The following DLG2 variants were observed in gnomAD, a reference collection of about 807,000 sequenced individuals.
DLG2 encodes disks large homolog 2.
DLG2 carries 45 observed loss-of-function variants against 132.5 expected under a neutral mutation model. The ratio of observed to expected loss-of-function variants is 0.34; its 90% confidence interval spans 0.27 to 0.44. The LOEUF is 0.44. Ranked by LOEUF, DLG2 falls within the 20% of genes least tolerant of loss-of-function variation. The pLI is 1.00. For synonymous variants in DLG2, 424 were observed against 419.6 expected (o/e 1.01, Z -0.13); for missense variants, 1,045 against 1,196.9 (o/e 0.87, Z 1.87).
chr11:84,688,666 T>G (rs1175891918), intron 6 of DLG2, among the ~76,000 whole-genome samples: 1 of 152,180 alleles, frequency 6.6e-6, no homozygotes, highest in Non-Finnish European at 1.5e-5. Flanking sequence ...ACTTAAAATT[T>G]AATAAGCATA....
chr11:84,154,753 G>T (rs1410569160), intron 9 of DLG2, among the ~76,000 whole-genome samples: 2 of 152,116 alleles, frequency 1.3e-5, no homozygotes, highest in African/African-American at 2.4e-5. Context: ...GCAGTGTTTG[G>T]TTTTTTGTCC....
chr11:84,592,453 C>A (rs1026174930), intron 6 of DLG2, among the ~76,000 whole-genome samples: 1 of 151,926 alleles, frequency 6.6e-6, no homozygotes, highest in Admixed American at 6.6e-5. Flanking sequence ...CAACAAAAAC[C>A]GAAATTGACA....
At chr11:84,014,560 C>T (rs928169432) in intron 11 of DLG2, among the ~76,000 whole-genome samples, 26 of 152,252 alleles carry the variant, frequency 1.7e-4, no homozygotes, top group African/African-American at 3.6e-4. Context: ...TTATTGACTA[C>T]GTACCATGTG....
chr11:84,923,937 A>T (rs528088092), intron 6 of DLG2, among the ~76,000 whole-genome samples: 2 of 152,140 alleles, frequency 1.3e-5, no homozygotes, highest in African/African-American at 4.8e-5. Flanking sequence ...GGTACATGAC[A>T]ATCAGTAATG....
chr11:84,668,989 G>T (rs1324794484), intron 6 of DLG2, among the ~76,000 whole-genome samples: 1 of 152,002 alleles, frequency 6.6e-6, no homozygotes, highest in Admixed American at 6.6e-5. Flanking sequence ...GTTCTAACAG[G>T]TGTATCTTCA....
intron 6 of DLG2, among the ~76,000 whole-genome samples, chr11:84,809,183 A>C (rs1431841297): frequency 2.0e-5 from 3 of 152,050 alleles, no homozygotes; most frequent in African/African-American, 7.2e-5. Flanking sequence ...AAAGAAGAGC[A>C]ACCACATATT....
chr11:84,753,935 T>C (rs745326777), intron 6 of DLG2, among the ~76,000 whole-genome samples: 17 of 151,882 alleles, frequency 1.1e-4, no homozygotes, highest in Admixed American at 1.0e-3. Flanking sequence ...TGCTGAGAGG[T>C]AGAGAAAGAT....
intron 6 of DLG2, among the ~76,000 whole-genome samples, chr11:84,588,001 G>T (rs745888609): frequency 4.6e-5 from 7 of 152,038 alleles, no homozygotes; most frequent in Admixed American, 1.3e-4. Flanking sequence ...TCACTCCTCT[G>T]CTTAACAAGC....
At chr11:83,992,627 A>T (rs7120138) in intron 11 of DLG2, among the ~76,000 whole-genome samples, 1 of 152,112 alleles carries the variant, frequency 6.6e-6, no homozygotes, top group Non-Finnish European at 1.5e-5. Flanking sequence ...AAGAACCATG[A>T]CTGTAGAACC....
intron 6 of DLG2, among the ~76,000 whole-genome samples, chr11:84,737,725 T>C (rs2064042685): frequency 6.6e-6 from 1 of 151,980 alleles, no homozygotes. Flanking sequence ...ATAATGGTGA[T>C]ACAGACTAGA....
chr11:84,480,438 T>A (rs914294401), intron 7 of DLG2, among the ~76,000 whole-genome samples: 1 of 152,142 alleles, frequency 6.6e-6, no homozygotes, highest in Non-Finnish European at 1.5e-5. Flanking sequence ...GAAGAAAATA[T>A]ACTTCCCAAA....
chr11:84,615,882 T>C (rs2099603557), intron 6 of DLG2, among the ~76,000 whole-genome samples: 1 of 148,284 alleles, frequency 6.7e-6, no homozygotes, highest in Non-Finnish European at 1.5e-5. Flanking sequence ...TTCAGTCATT[T>C]ATCATTCAAC....
chr11:84,394,224 T>C (rs1213325042), intron 7 of DLG2, among the ~76,000 whole-genome samples: 1 of 152,172 alleles, frequency 6.6e-6, no homozygotes, highest in Non-Finnish European at 1.5e-5. Flanking sequence ...ATAAAATATA[T>C]GTTCATTTAG....
intron 11 of DLG2, among the ~76,000 whole-genome samples, chr11:83,986,013 CTGT>C (rs773837099): frequency 6.6e-6 from 1 of 151,776 alleles, no homozygotes; most frequent in Non-Finnish European, 1.5e-5. Context: ...TCACCAGTGT[CTGT>C]TGTTTTTTTG....
At chr11:83,951,222 C>T (rs914113523) in intron 14 of DLG2, among the ~76,000 whole-genome samples, 2 of 152,014 alleles carry the variant, frequency 1.3e-5, no homozygotes, top group African/African-American at 4.8e-5. Flanking sequence ...ATCAAGAGTT[C>T]TGTAAATGTT....
At chr11:85,280,112 C>CAT (rs773902309) in intron 4 of DLG2, among the ~76,000 whole-genome samples, 64 of 151,776 alleles carry the variant, frequency 4.2e-4, no homozygotes, top group Admixed American at 1.8e-3. Flanking sequence ...TTTTTCAAAG[C>CAT]ATATATATAT....
At chr11:85,050,675 C>T (rs1483333463) in intron 6 of DLG2, among the ~76,000 whole-genome samples, 1 of 151,994 alleles carries the variant, frequency 6.6e-6, no homozygotes, top group Non-Finnish European at 1.5e-5. Flanking sequence ...AAGAAAAAAT[C>T]AAAGATATTT....
At chr11:84,481,376 T>G (rs1265368182) in intron 7 of DLG2, among the ~76,000 whole-genome samples, 1 of 152,144 alleles carries the variant, frequency 6.6e-6, no homozygotes, top group Admixed American at 6.6e-5. Flanking sequence ...AGAGGCCTCT[T>G]GCCCAGAGTT....
intron 18 of DLG2, among the ~76,000 whole-genome samples, chr11:83,751,710 T>C (rs576880699): frequency 6.6e-6 from 1 of 152,314 alleles, no homozygotes; most frequent in East Asian, 1.9e-4. Flanking sequence ...AAAATGGAAT[T>C]GCCACTGAGG....
Sources: allele counts gnomAD v4.1 joint callset (sites outside exome capture counted in the v4.1 genomes callset), GRCh38; gene constraint gnomAD v4.1.1; transcripts MANE v1.5; gene names NCBI Gene and HGNC (gene_info 2026-07-23, HGNC 2026-07-21).